The following INTS14 variants were observed in gnomAD, a reference collection of about 807,000 sequenced individuals.
INTS14 encodes UPF0464 protein C15orf44.
A neutral mutation model predicts 56.9 loss-of-function variants in INTS14; 27 were observed. The ratio of observed to expected loss-of-function variants is 0.47; its 90% CI spans 0.35 to 0.65. The LOEUF (loss-of-function observed/expected upper bound fraction) is 0.65. Ranked by LOEUF, INTS14 falls within the 30% of genes least tolerant of loss-of-function variation. INTS14 has a pLI of 0.00. For missense variants in INTS14, 517 were observed against 632.2 expected, an observed-to-expected ratio of 0.82 and a Z score of 1.95; for synonymous variants, 207 against 236.2, an observed-to-expected ratio of 0.88 and a Z score of 1.13.
In INTS14 at chr15:65,610,654, G is replaced by A. The variant is rs1301906512; in HGVS notation, c.-63+444C>T. 6 of 1,531,954 alleles carry A rather than the reference G, an allele frequency of 3.9e-6. No individual in the cohort carries two copies. The African/African-American group carries it at 6.9e-5, about 17-fold the overall frequency. 94.9% of individuals were successfully genotyped at this position (1,531,954 alleles called of 1,614,324 possible). ...GATTCTCAGCAGTCTCGCTCTCAAA[G>A]CAGGATTCTACCTGAATTTCTAGTG... On this transcript the variant is annotated intron_variant, in intron 1 of 11. Coordinates refer to ENST00000313182, the MANE Select transcript of INTS14 (RefSeq NM_001394796.1).
rs2141280994 is a variant in INTS14, at chr15:65,593,647, T to C, written c.842-75A>G. ...CCAAACCCCAATTTATACTCTTGGA[T>C]GTTTCTAGCCTTTAAGGGATAGTGT... On this transcript the variant is annotated intron_variant, in intron 7 of 11. Coordinates refer to ENST00000313182, the MANE Select transcript of INTS14 (RefSeq NM_001394796.1). 4 of 1,533,690 alleles carry C rather than the reference T, an allele frequency of 2.6e-6. No homozygotes were observed. The South Asian group carries it at 5.2e-5, about 20-fold the overall frequency.
At position 65,579,220 on chromosome 15, in the gene INTS14, C is replaced by A. The variant is rs913192514; in HGVS notation, c.*188G>T. The A allele has an allele frequency of 1.3e-6, 1 of 751,790 alleles. No homozygotes were observed. The highest frequency in any genetic ancestry group is 2.0e-6 in the Non-Finnish European group (1 of 489,400). The allele number at this position is 751,790 out of a possible 1,614,324, so 46.6% of individuals were successfully genotyped here. A position where few individuals can be genotyped will look rare whatever the true frequency, so the allele number is the denominator to read the frequency against. ...ATTATGAATCCCAGGAAGTTAAAGCCCAACCAGCCAACCACCTTCACATCC... is the reference window on the plus strand; with the variant it reads ...ATTATGAATCCCAGGAAGTTAAAGCACAACCAGCCAACCACCTTCACATCC... On this transcript the variant is annotated 3_prime_UTR_variant, in exon 12 of 12. Coordinates refer to ENST00000313182, the MANE Select transcript of INTS14 (RefSeq NM_001394796.1).
chr15:65,601,837 A>G lies in INTS14; in HGVS notation c.331-1908T>C, dbSNP rs73486736. ...GATTTACCTCCATCGGCTTTTTCAG[A>G]TGCTATGGGATAATGAAATATTTCA... On this transcript the variant is annotated intron_variant, in intron 3 of 11. Transcript: ENST00000313182. Among the ~76,000 whole-genome samples, 1,351 of 152,310 alleles carry G rather than the reference A, an allele frequency of 8.9e-3. 23 individuals carry two copies. Among genetic ancestry groups the G allele is most frequent in the African/African-American group, 0.031 (1,301 of 41,556 alleles).
At chr15:65,595,619 T>G in intron 7 of INTS14, 114 bp downstream of exon 7, 1 of 774,124 alleles carries the variant, frequency 1.3e-6, no homozygotes, top group Non-Finnish European at 2.1e-6. Flanking sequence ...AATCCAATTC[T>G]GTAACTATTC....
At chr15:65,611,073 C>G (rs2073923701) in intron 1 of INTS14, 25 bp downstream of exon 1, 2 of 1,535,678 alleles carry the variant, frequency 1.3e-6, no homozygotes, top group Admixed American at 2.0e-5. Flanking sequence ...AAAGGCAGTC[C>G]CGGGCCCTCG....
intron 3 of INTS14, among the ~76,000 whole-genome samples, chr15:65,600,561 C>T (rs774227983): frequency 3.3e-5 from 5 of 151,598 alleles, no homozygotes; most frequent in South Asian, 2.1e-4. Flanking sequence ...CCTGGGAAGT[C>T]GAGGCTACAG....
At chr15:65,587,689 G>A (rs1028410007) in intron 9 of INTS14, among the ~76,000 whole-genome samples, 6 of 152,102 alleles carry the variant, frequency 3.9e-5, no homozygotes, top group Admixed American at 1.3e-4. Flanking sequence ...CATCTAAAAT[G>A]GGGGAAAAGG....
Position 65,579,319 on chromosome 15 carries a change from C to CT in INTS14, c.*88dup. On this transcript the variant is annotated 3_prime_UTR_variant, in exon 12 of 12. Coordinates refer to ENST00000313182, the MANE Select transcript of INTS14 (RefSeq NM_001394796.1). Reference sequence around the variant, plus strand: ...CAGCCTCAGGAAGGTCTTTGGGTGGCTATTCTAGAGGTGAACATACTGGAA... The same window carrying CT: ...CAGCCTCAGGAAGGTCTTTGGGTGGCTTATTCTAGAGGTGAACATACTGGAA... 6.6e-7 allele frequency: 1 copy of CT among 1,525,790 alleles called. No individual in the cohort carries two copies. Among genetic ancestry groups the CT allele is most frequent in the African/African-American group, 1.4e-5 (1 of 72,650 alleles). 94.5% of individuals were successfully genotyped at this position (1,525,790 alleles called of 1,614,324 possible).
chr15:65,585,034 TGGAG>T, intron 9 of INTS14, 146 bp from the exon 10 acceptor site: 2 of 678,684 alleles, frequency 2.9e-6, no homozygotes, highest in Non-Finnish European at 4.6e-6. Flanking sequence ...TCAGTCAGGT[TGGAG>T]AACCTGTTCT....
At chr15:65,583,074 T>G (rs2072684383) in intron 10 of INTS14, among the ~76,000 whole-genome samples, 1 of 152,172 alleles carries the variant, frequency 6.6e-6, no homozygotes, top group African/African-American at 2.4e-5. Flanking sequence ...ACTAGAACAC[T>G]TATACACTGC....
At chr15:65,579,767 A>G in intron 11 of INTS14, 108 bp from the exon 12 acceptor site, 1 of 1,424,886 alleles carries the variant, frequency 7.0e-7, no homozygotes, top group South Asian at 1.5e-5. Context: ...TTAGGGAGCA[A>G]TTTTATATGA....
rs2072489780 is a variant in INTS14 at position 65,579,355 on chromosome 15, C to T, written c.*53G>A. ...GTGAACATACTGGAAAGGTTTTTAC[C>T]TAAAGCATTTTCAGTTGAAATGAAA... On this transcript the variant is annotated 3_prime_UTR_variant, in exon 12 of 12. Transcript: ENST00000313182. 3 of 1,584,402 alleles carry T rather than the reference C, an allele frequency of 1.9e-6. No homozygotes were observed. The highest frequency in any genetic ancestry group is 1.7e-6 in the Non-Finnish European group (2 of 1,161,644).
At position 65,584,796 on chromosome 15, in the gene INTS14, C is replaced by T; in HGVS notation, c.1213G>A (p.Val405Ile). The change falls in exon 10 of 12, where the codon GTC (valine) becomes ATC (isoleucine). Residue 405 changes from valine (V) to isoleucine (I), a missense_variant. Transcript: ENST00000313182. ...TGCAGGCCGCTGGGTTTGATCCAGA[C>T]AGTCACATTCTGGGCATAACTGCGT... The part of the protein sequence containing the change: ...NKRSYAQNVT[V>I]WIKPSGLQTD... The T allele has an allele frequency of 1.2e-6, 2 of 1,613,222 alleles. No homozygotes were observed. The highest frequency in any genetic ancestry group is 1.7e-6 in the Non-Finnish European group (2 of 1,179,604).
At chr15:65,580,585 A>G (rs957897328) in intron 11 of INTS14, among the ~76,000 whole-genome samples, 1 of 152,238 alleles carries the variant, frequency 6.6e-6, no homozygotes, top group African/African-American at 2.4e-5. Context: ...AGCTTACTAC[A>G]TAATTAAGTT....
chr15:65,586,638 A>G (rs1002937867), intron 9 of INTS14: 1 of 152,250 alleles, frequency 6.6e-6, no homozygotes, highest in African/African-American at 2.4e-5. Flanking sequence ...GACAGGAAAT[A>G]TTACATTTAT....
At chr15:65,607,523 A>G (rs1017546331) in intron 1 of INTS14, 81 bp from the exon 2 acceptor site, 2 of 1,436,440 alleles carry the variant, frequency 1.4e-6, no homozygotes, top group African/African-American at 2.8e-5. Context: ...CTTCTCAGAA[A>G]TTAGCAGAGG....
intron 3 of INTS14, among the ~76,000 whole-genome samples, chr15:65,602,312 G>A (rs973176681): frequency 6.9e-6 from 1 of 145,328 alleles, no homozygotes; most frequent in Admixed American, 6.8e-5. Flanking sequence ...TTAAGACAGA[G>A]TCTCGCTCTG....
intron 7 of INTS14, among the ~76,000 whole-genome samples, chr15:65,594,674 T>C (rs1482579503): frequency 6.6e-6 from 1 of 151,758 alleles, no homozygotes; most frequent in East Asian, 1.9e-4. Context: ...AGTGCTGGGA[T>C]TACAGGTGTG....
Position 65,581,966 on chromosome 15 carries a change from C to CTT in INTS14, c.1292_1293insAA (p.Thr432ArgfsTer7), listed in dbSNP as rs755255162. 2 of 1,613,010 alleles carry CTT rather than the reference C, an allele frequency of 1.2e-6. No homozygotes were observed. Among genetic ancestry groups the CTT allele is most frequent in the Non-Finnish European group, 1.7e-6 (2 of 1,179,802 alleles). ...CTGTCTGTCTCACCTTATAGAATGT[C>CTT]TGTGTTTTTTCAGGTAGTTTCCTTG... On this transcript the variant is annotated frameshift_variant, in exon 11 of 12. Coordinates refer to ENST00000313182, the MANE Select transcript of INTS14 (RefSeq NM_001394796.1). LOFTEE classifies it high-confidence loss of function.
Sources: gnomAD v4.1 joint callset for allele counts (sites outside exome capture counted in the v4.1 genomes callset) on GRCh38, gnomAD v4.1.1 for gene constraint, MANE v1.5 for transcripts, NCBI Gene and HGNC (gene_info 2026-07-23, HGNC 2026-07-21) for gene names.